The following PFDN1 variants were observed in gnomAD, a reference collection of about 807,000 sequenced individuals.
The protein encoded by PFDN1 is prefoldin 1.
In PFDN1, 6 loss-of-function variants were observed where a neutral mutation model predicts 17.3. The ratio of observed to expected loss-of-function variants is 0.35; its 90% CI spans 0.19 to 0.69. The LOEUF (loss-of-function observed/expected upper bound fraction) is 0.69, where lower values mean the gene tolerates loss of function less well. Ranked by LOEUF, PFDN1 falls within the 30% of genes least tolerant of loss-of-function variation. The pLI is 0.65. For missense variants in PFDN1, 113 were observed against 146.2 expected, an observed-to-expected ratio of 0.77 and a Z score of 1.17; for synonymous variants, 58 against 50.1, an observed-to-expected ratio of 1.16 and a Z score of -0.67.
chr5:140,271,077 T>C (rs1372503924), intron 3 of PFDN1, among the ~76,000 whole-genome samples: 4 of 152,174 alleles, frequency 2.6e-5, no homozygotes, highest in Non-Finnish European at 5.9e-5. Context: ...GAACAAGGCA[T>C]TGACAATATT....
At chr5:140,261,040 T>C (rs774868683) in intron 3 of PFDN1, among the ~76,000 whole-genome samples, 4 of 150,800 alleles carry the variant, frequency 2.7e-5, no homozygotes, top group Non-Finnish European at 5.9e-5. Flanking sequence ...TGCACAACTG[T>C]AATCCCAGCT....
intron 3 of PFDN1, among the ~76,000 whole-genome samples, chr5:140,260,275 T>C (rs1387172426): frequency 1.3e-5 from 2 of 152,160 alleles, no homozygotes; most frequent in African/African-American, 4.8e-5. Context: ...CATATATTGC[T>C]GGTGATTTAA....
At chr5:140,269,608 C>G (rs181012006) in intron 3 of PFDN1, among the ~76,000 whole-genome samples, 3 of 152,206 alleles carry the variant, frequency 2.0e-5, no homozygotes, top group Non-Finnish European at 2.9e-5. Context: ...CGTGAGCCAC[C>G]GTGACCCGCC....
chr5:140,285,347 C>T (rs1350363079), intron 2 of PFDN1, among the ~76,000 whole-genome samples: 1 of 88,914 alleles, frequency 1.1e-5, no homozygotes, highest in Non-Finnish European at 2.4e-5. Flanking sequence ...GACTCCATCT[C>T]AAAAAAAAAA....
chr5:140,260,973 C>T (rs1765056588), intron 3 of PFDN1, among the ~76,000 whole-genome samples: 1 of 151,678 alleles, frequency 6.6e-6, no homozygotes, highest in African/African-American at 2.4e-5. Flanking sequence ...ACCAGCCTGG[C>T]CAACATGGTG....
At chr5:140,287,077 G>A (rs1765507353) in intron 2 of PFDN1, among the ~76,000 whole-genome samples, 1 of 152,172 alleles carries the variant, frequency 6.6e-6, no homozygotes, top group Non-Finnish European at 1.5e-5. Flanking sequence ...GTGAATATAT[G>A]TATACAAATA....
At chr5:140,302,123 G>A (rs977112867) in intron 1 of PFDN1, among the ~76,000 whole-genome samples, 1 of 152,204 alleles carries the variant, frequency 6.6e-6, no homozygotes, top group African/African-American at 2.4e-5. Flanking sequence ...TTGCTCATCT[G>A]AAGAACTCAA....
At chr5:140,271,665 A>G (rs1039205095) in intron 3 of PFDN1, among the ~76,000 whole-genome samples, 7 of 152,144 alleles carry the variant, frequency 4.6e-5, no homozygotes, top group Non-Finnish European at 8.8e-5. Flanking sequence ...CAAGATGCTA[A>G]GATAAACTGT....
chr5:140,269,141 T>C (rs965739109), intron 3 of PFDN1, among the ~76,000 whole-genome samples: 15 of 152,258 alleles, frequency 9.9e-5, no homozygotes, highest in Admixed American at 6.5e-4. Context: ...GCCTCTGCAG[T>C]AGCTGGGACC....
rs58605224 is a variant in PFDN1 at position 140,264,020 on chromosome 5, CAAAAAAAAAAAAAAAAAAAAAA to C, written c.285+17407_285+17428del. Reference sequence around the variant, plus strand: ...TGGGGGTCAGAGTGAGACTCCATCTCAAAAAAAAAAAAAAAAAAAAAAAAAAAAAAAAAAAAAAATCACGGTA... The same window carrying C: ...TGGGGGTCAGAGTGAGACTCCATCTCAAAAAAAAAAAAAAAAATCACGGTA... On this transcript the variant is annotated intron_variant, in intron 3 of 3. Coordinates refer to ENST00000261813, the MANE Select transcript of PFDN1 (RefSeq NM_002622.5). Among the ~76,000 whole-genome samples, 26 of 55,562 alleles carry C rather than the reference CAAAAAAAAAAAAAAAAAAAAAA, an allele frequency of 4.7e-4. 1 individual carries two copies. Among genetic ancestry groups the C allele is most frequent in the Admixed American group, 1.0e-3 (5 of 4,936 alleles). 36.5% of individuals were successfully genotyped at this position (55,562 alleles called of 152,430 possible).
intron 3 of PFDN1, among the ~76,000 whole-genome samples, chr5:140,260,333 C>T (rs529993091): frequency 2.0e-5 from 3 of 152,112 alleles, no homozygotes; most frequent in African/African-American, 7.2e-5. Flanking sequence ...TCAATTAAAA[C>T]ATAAAATTAC....
intron 3 of PFDN1, among the ~76,000 whole-genome samples, chr5:140,261,889 G>C (rs1188446838): frequency 6.6e-6 from 1 of 152,120 alleles, no homozygotes; most frequent in Non-Finnish European, 1.5e-5. Flanking sequence ...TCTCCATCCA[G>C]GGTGATGCAG....
At chr5:140,253,115 G>T (rs1764938527) in intron 3 of PFDN1, among the ~76,000 whole-genome samples, 1 of 152,226 alleles carries the variant, frequency 6.6e-6, no homozygotes, top group Admixed American at 6.5e-5. Context: ...AATCTCGGAA[G>T]GAGTTACTGT....
At chr5:140,279,020 C>CA (rs11445186) in intron 3 of PFDN1, among the ~76,000 whole-genome samples, 115,227 of 151,758 alleles carry the variant, frequency 0.76, 44,605 homozygotes, top group African/African-American at 0.91. Context: ...TGATGGGAAT[C>CA]AAAAAAAGAA....
At chr5:140,270,304 A>G (rs977553160) in intron 3 of PFDN1, among the ~76,000 whole-genome samples, 2 of 152,206 alleles carry the variant, frequency 1.3e-5, no homozygotes, top group Non-Finnish European at 2.9e-5. Context: ...AGTATAGACC[A>G]TATAAAGCAT....
Position 140,300,554 on chromosome 5 carries a change from A to G in PFDN1, c.62T>C (p.Ile21Thr), listed in dbSNP as rs754766534. ...GAGCTTCACCTTCTGTTGAGTGTCA[A>G]TAACTTTGGCTTGAAGCTCTGTGAA... ...KAFTELQAKVIDTQQKVKLAD... is the reference protein window; with the variant it reads ...KAFTELQAKVTDTQQKVKLAD... The change falls in exon 2 of 4, where the codon ATT becomes ACT. Residue 21 changes from isoleucine (I) to threonine (T), a missense_variant. Transcript: ENST00000261813. The G allele has an allele frequency of 1.1e-5, 18 of 1,611,744 alleles. No individual in the cohort carries two copies. The highest frequency in any genetic ancestry group is 3.4e-5 in the Admixed American group (2 of 59,648).
intron 2 of PFDN1, among the ~76,000 whole-genome samples, chr5:140,297,121 C>A (rs958782508): frequency 4.6e-5 from 7 of 152,118 alleles, no homozygotes; most frequent in Non-Finnish European, 1.0e-4. Context: ...AGCAATGAGA[C>A]CTGAATTTCA....
chr5:140,281,488 C>T lies in PFDN1; in HGVS notation c.246G>A (p.Glu82=). 6.3e-7 allele frequency: 1 copy of T among 1,594,044 alleles called. No homozygotes were observed. The highest frequency in any genetic ancestry group is 8.6e-7 in the Non-Finnish European group (1 of 1,162,474). The change falls in exon 3 of 4, where the codon GAG becomes GAA. Residue 82 remains glutamate (E), a synonymous_variant. Transcript: ENST00000261813. ...TTTTTTCTTCTGCTATTTTCTGCTT[C>T]TCTAACAGCTGACTGTGAATTGCTT... ...SKEAIHSQLL[E]KQKIAEEKIK...
chr5:140,256,574 C>T (rs1470341118), intron 3 of PFDN1, among the ~76,000 whole-genome samples: 2 of 150,584 alleles, frequency 1.3e-5, no homozygotes, highest in East Asian at 3.9e-4. Flanking sequence ...GATTTATGGT[C>T]ACCCCCACCC....
Sources: gnomAD v4.1 joint callset for allele counts (sites outside exome capture counted in the v4.1 genomes callset) on GRCh38, gnomAD v4.1.1 for gene constraint, MANE v1.5 for transcripts, NCBI Gene and HGNC (gene_info 2026-07-23, HGNC 2026-07-21) for gene names.